The following ERC2 variants were observed in gnomAD, a reference collection of about 807,000 sequenced individuals.
ERC2 encodes the protein ERC protein 2.
In ERC2, 42 loss-of-function variants were observed where a neutral mutation model predicts 114.8. The ratio of observed to expected loss-of-function variants is 0.37; its 90% CI spans 0.29 to 0.47. The LOEUF is 0.47. Ranked by LOEUF, ERC2 falls within the 20% of genes least tolerant of loss-of-function variation. ERC2 has a pLI of 0.99. For synonymous variants in ERC2, 454 were observed against 425.5 expected, an observed-to-expected ratio of 1.07 and a Z score of -0.82; for missense variants, 939 against 1,150.7, an observed-to-expected ratio of 0.82 and a Z score of 2.66.
chr3:55,940,683 G>A (rs2066730852), intron 13 of ERC2, among the ~76,000 whole-genome samples: 1 of 152,164 alleles, frequency 6.6e-6, no homozygotes, highest in African/African-American at 2.4e-5. Context: ...AGGTTGCACA[G>A]TGCCTAGCAC....
chr3:56,308,789 G>A (rs561763641), intron 2 of ERC2, among the ~76,000 whole-genome samples: 2 of 143,430 alleles, frequency 1.4e-5, no homozygotes, highest in Non-Finnish European at 3.2e-5. Context: ...TCCAAAAGTC[G>A]TGAAGTTTTT....
At chr3:55,617,454 A>G (rs981510763) in intron 17 of ERC2, among the ~76,000 whole-genome samples, 15 of 152,218 alleles carry the variant, frequency 9.9e-5, no homozygotes, top group African/African-American at 3.6e-4. Flanking sequence ...GCTGTCTCTC[A>G]AGGAGACTTA....
At chr3:55,661,046 C>T (rs1249541759) in intron 17 of ERC2, among the ~76,000 whole-genome samples, 1 of 152,202 alleles carries the variant, frequency 6.6e-6, no homozygotes, top group Admixed American at 6.5e-5. Flanking sequence ...ACCAGCTTGT[C>T]CTGTGGGCCA....
intron 6 of ERC2, among the ~76,000 whole-genome samples, chr3:56,104,575 G>A (rs6768695): frequency 0.93 from 141,254 of 152,054 alleles, 65,799 homozygotes; most frequent in East Asian, 1. Context: ...TAATTACTTC[G>A]GTTATTGGGC....
At chr3:55,806,361 GAAGAAGAAGA>G (rs1320092366) in intron 14 of ERC2, among the ~76,000 whole-genome samples, 1 of 151,442 alleles carries the variant, frequency 6.6e-6, no homozygotes, top group African/African-American at 2.4e-5. Flanking sequence ...AAAAAAGAAG[GAAGAAGAAGA>G]AAGAAGAAGA....
chr3:56,422,300 T>C (rs776122274), intron 2 of ERC2, among the ~76,000 whole-genome samples: 7 of 152,182 alleles, frequency 4.6e-5, no homozygotes, highest in Non-Finnish European at 1.0e-4. Flanking sequence ...AGGGAATTTG[T>C]CAAAGTCACA....
intron 2 of ERC2, among the ~76,000 whole-genome samples, chr3:56,307,294 T>A (rs1403662758): frequency 6.6e-6 from 1 of 152,254 alleles, no homozygotes; most frequent in Admixed American, 6.5e-5. Context: ...ATTTTTTGCC[T>A]TTCCAAAGTA....
chr3:56,430,452 T>C (rs995501461), intron 2 of ERC2, among the ~76,000 whole-genome samples: 3 of 152,222 alleles, frequency 2.0e-5, no homozygotes, highest in Non-Finnish European at 4.4e-5. Context: ...AAGAGTTAGA[T>C]GTCCATAATC....
intron 3 of ERC2, among the ~76,000 whole-genome samples, chr3:56,272,316 CT>C (rs2053705857): frequency 6.6e-6 from 1 of 152,262 alleles, no homozygotes; most frequent in Non-Finnish European, 1.5e-5. Flanking sequence ...TAATTGCTTT[CT>C]CTCTTTCCTG....
intron 17 of ERC2, among the ~76,000 whole-genome samples, chr3:55,544,533 G>A (rs1228807680): frequency 6.6e-6 from 1 of 152,130 alleles, no homozygotes; most frequent in Non-Finnish European, 1.5e-5. Context: ...AGTCCTTCTA[G>A]GAATTGTCCC....
intron 3 of ERC2, among the ~76,000 whole-genome samples, chr3:56,231,534 G>C (rs531632526): frequency 8.5e-5 from 13 of 152,298 alleles, no homozygotes; most frequent in South Asian, 6.2e-4. Context: ...TGGCTACCTT[G>C]TATGCAAACA....
At chr3:56,438,157 C>A (rs938884670) in intron 1 of ERC2, among the ~76,000 whole-genome samples, 12 of 152,200 alleles carry the variant, frequency 7.9e-5, no homozygotes, top group Admixed American at 1.3e-4. Flanking sequence ...TTTGTCTTAT[C>A]TGAGTTCCTT....
intron 7 of ERC2, among the ~76,000 whole-genome samples, chr3:56,075,297 A>C (rs1302540633): frequency 6.6e-6 from 1 of 152,146 alleles, no homozygotes; most frequent in Non-Finnish European, 1.5e-5. Context: ...CTTGACTGAC[A>C]GTGCAATGTG....
At chr3:55,847,916 A>G (rs752791319) in intron 14 of ERC2, among the ~76,000 whole-genome samples, 1 of 152,104 alleles carries the variant, frequency 6.6e-6, no homozygotes, top group Non-Finnish European at 1.5e-5. Context: ...CTCCTGCCTC[A>G]GCCTCCCAAT....
chr3:56,017,644 C>T (rs2073397517), intron 8 of ERC2, among the ~76,000 whole-genome samples: 1 of 152,140 alleles, frequency 6.6e-6, no homozygotes, highest in African/African-American at 2.4e-5. Flanking sequence ...GTGTCACCTT[C>T]TCAGCAAGCT....
intron 2 of ERC2, among the ~76,000 whole-genome samples, chr3:56,320,582 G>C (rs1310068744): frequency 1.3e-5 from 2 of 152,192 alleles, no homozygotes; most frequent in East Asian, 3.9e-4. Context: ...TAAAAAACAG[G>C]ATTTTTTTGC....
At chr3:55,764,958 G>A (rs139693793) in intron 14 of ERC2, among the ~76,000 whole-genome samples, 413 of 152,218 alleles carry the variant, frequency 2.7e-3, no homozygotes, top group Middle Eastern at 0.01. Context: ...TGAGATTTCA[G>A]CTGCCAAATT....
chr3:55,874,519 A>G (rs1372730017), intron 14 of ERC2, among the ~76,000 whole-genome samples: 1 of 152,080 alleles, frequency 6.6e-6, no homozygotes, highest in Non-Finnish European at 1.5e-5. Context: ...ATTACTTAAT[A>G]TGAGAAATGT....
Position 55,621,818 on chromosome 3 carries a change from C to T in ERC2, c.*39+61976G>A, listed in dbSNP as rs75487534. Among the ~76,000 whole-genome samples, 410 of 152,106 alleles carry T rather than the reference C, an allele frequency of 2.7e-3. 1 individual carries two copies. The highest frequency in any genetic ancestry group is 5.6e-3 in the Admixed American group (86 of 15,276). ...CCAGGAGGGAGAGAAAGAACAAAGG[C>T]GTGGATTGGAGGAGGACATGGGATA... On this transcript the variant is annotated intron_variant, in intron 17 of 17. Coordinates refer to ENST00000288221, the MANE Select transcript of ERC2 (RefSeq NM_015576.3).
Sources: gnomAD v4.1 joint callset for allele counts (sites outside exome capture counted in the v4.1 genomes callset) on GRCh38, gnomAD v4.1.1 for gene constraint, MANE v1.5 for transcripts, NCBI Gene and HGNC (gene_info 2026-07-23, HGNC 2026-07-21) for gene names.